RMI1: variants seen among roughly 807,000 people sequenced by gnomAD.
RMI1 encodes the protein recQ-mediated genome instability protein 1.
A neutral mutation model predicts 46.7 loss-of-function variants in RMI1; 36 were observed. The ratio of observed to expected loss-of-function variants is 0.77; its 90% CI spans 0.59 to 1.02. RMI1 has a LOEUF of 1.02. RMI1 is among the 50% of genes least tolerant of loss of function. RMI1 has a pLI of 0.00. For synonymous variants in RMI1, 250 were observed against 252.9 expected (o/e 0.99, Z 0.11); for missense variants, 676 against 713.7 (o/e 0.95, Z 0.60).
intron 1 of RMI1, among the ~76,000 whole-genome samples, chr9:83,995,640 C>T (rs932327424): frequency 6.6e-6 from 1 of 151,838 alleles, no homozygotes; most frequent in Non-Finnish European, 1.5e-5. Flanking sequence ...ATTGGTCAGG[C>T]TGTTCTTGAA....
intron 1 of RMI1, among the ~76,000 whole-genome samples, chr9:83,983,188 G>T (rs957122423): frequency 5.3e-5 from 8 of 152,206 alleles, no homozygotes; most frequent in African/African-American, 9.7e-5. Flanking sequence ...ATACTTTTTA[G>T]AGTTCTTTGA....
Position 83,980,807 on chromosome 9 carries a change from C to G in RMI1, c.-210C>G, listed in dbSNP as rs1957361489. 1.3e-5 allele frequency: 2 copies of G among 152,348 alleles called. No individual in the cohort carries two copies. Among genetic ancestry groups the G allele is most frequent in the Non-Finnish European group, 2.9e-5 (2 of 68,114 alleles). The allele number at this position is 152,348 out of a possible 1,614,324, so 9.4% of individuals were successfully genotyped here. ...CGGGCGGGAAGAGGTAAAAAAGGAA[C>G]TGGGAGCGCGCCGCGGCGGTTCCTG... On this transcript the variant is annotated 5_prime_UTR_variant, in exon 1 of 3. Transcript: ENST00000445877.
At chr9:83,996,296 T>C (rs1277178506) in intron 1 of RMI1, among the ~76,000 whole-genome samples, 2 of 152,234 alleles carry the variant, frequency 1.3e-5, no homozygotes, top group Non-Finnish European at 2.9e-5. Context: ...GTAACTCTGT[T>C]CCCGCCACAT....
chr9:84,002,257 A>G lies in RMI1; in HGVS notation c.1271A>G (p.Asp424Gly), dbSNP rs35874719. Residue 424 changes from aspartate to glycine, a missense_variant, in exon 3 of 3, where the codon GAT becomes GGT. By Grantham distance (94) the Asp-to-Gly change is moderately conservative. Coordinates refer to ENST00000445877, the MANE Select transcript of RMI1 (RefSeq NM_001358291.2). ...AATAAAGAAAAGAACTTAGAGACAG[A>G]TAATAAAATAAAACAAACCAGCAGT... ...FTNKEKNLETDNKIKQTSSSD... is the reference protein window; with the variant it reads ...FTNKEKNLETGNKIKQTSSSD... 1.3e-3 allele frequency: 2,125 copies of G among 1,606,552 alleles called. 29 individuals carry two copies. The African/African-American group carries it at 0.026, about 19-fold the overall frequency.
chr9:84,002,510 G>C lies in RMI1; in HGVS notation c.1524G>C (p.Val508=). ...MASKPKEVTT[V]KVKAFIVTLT... The stretch of plus-strand genomic sequence containing the variant: ...GCAAACCAAAGGAAGTTACAACAGT[G>C]AAAGTGAAAGCATTTATTGTAACCT... Residue 508 remains valine (V), a synonymous_variant, in exon 3 of 3, where the codon GTG becomes GTC. Transcript: ENST00000445877. The C allele has an allele frequency of 6.2e-7, 1 of 1,613,976 alleles. No individual in the cohort carries two copies. The highest frequency in any genetic ancestry group is 8.5e-7 in the Non-Finnish European group (1 of 1,179,944).
chr9:83,997,298 A>G (rs1194776079), intron 1 of RMI1, among the ~76,000 whole-genome samples: 4 of 151,574 alleles, frequency 2.6e-5, no homozygotes, highest in Non-Finnish European at 5.9e-5. Flanking sequence ...TTTAGTAGAG[A>G]TGGGGTTTCT....
intron 1 of RMI1, among the ~76,000 whole-genome samples, chr9:83,995,201 T>C (rs1486224731): frequency 1.3e-5 from 2 of 151,932 alleles, no homozygotes; most frequent in African/African-American, 4.8e-5. Context: ...GGTTTCACCA[T>C]TGTTGGCCAG....
At chr9:83,989,793 CA>C (rs375788717) in intron 1 of RMI1, among the ~76,000 whole-genome samples, 53 of 152,006 alleles carry the variant, frequency 3.5e-4, no homozygotes, top group Middle Eastern at 3.4e-3. Context: ...GGAGGTTCCT[CA>C]AAAAAATCAA....
chr9:84,001,746 A>G lies in RMI1; in HGVS notation c.760A>G (p.Asn254Asp). The change falls in exon 3 of 3, where the codon AAT becomes GAT. Residue 254 changes from asparagine to aspartate, a missense_variant. Coordinates refer to ENST00000445877, the MANE Select transcript of RMI1 (RefSeq NM_001358291.2). Reference protein sequence around the residue: ...DEELLASLDENDELTANNDTS... With the variant: ...DEELLASLDEDDELTANNDTS... ...AGAACTCTTGGCAAGTCTTGATGAAAATGATGAGCTTACAGCAAATAATGA... is the reference window on the plus strand; with the variant it reads ...AGAACTCTTGGCAAGTCTTGATGAAGATGATGAGCTTACAGCAAATAATGA... The G allele has an allele frequency of 1.2e-6, 2 of 1,614,016 alleles. No homozygotes were observed. The highest frequency in any genetic ancestry group is 1.7e-6 in the Non-Finnish European group (2 of 1,179,960).
Position 84,002,689 on chromosome 9 carries a change from C to G in RMI1, c.1703C>G (p.Pro568Arg). 1 of 1,613,856 alleles carries G rather than the reference C, an allele frequency of 6.2e-7. No individual in the cohort carries two copies. The highest frequency in any genetic ancestry group is 8.5e-7 in the Non-Finnish European group (1 of 1,179,920). Reference protein sequence around the residue: ...VPEMKQSKKDPLQYQKFLEGL... With the variant: ...VPEMKQSKKDRLQYQKFLEGL... ...GAAATGAAACAGTCAAAAAAGGATC[C>G]TCTTCAATACCAAAAGTTCCTGGAA... Residue 568 changes from proline (P) to arginine (R), a missense_variant, in exon 3 of 3, where the codon CCT (proline) becomes CGT (arginine). By Grantham distance (103) the Pro-to-Arg change is moderately radical (BLOSUM62 -2). Transcript: ENST00000445877.
At chr9:83,988,793 C>T (rs1957528307) in intron 1 of RMI1, among the ~76,000 whole-genome samples, 1 of 152,056 alleles carries the variant, frequency 6.6e-6, no homozygotes, top group African/African-American at 2.4e-5. Context: ...AACTGTTTTC[C>T]TGTGTTTATT....
rs1957745916 is a variant in RMI1 at position 84,002,058 on chromosome 9, A to G, written c.1072A>G (p.Thr358Ala). The change falls in exon 3 of 3, where the codon ACT (threonine) becomes GCT (alanine). Residue 358 changes from threonine (T) to alanine (A), a missense_variant. Physicochemically the swap from Thr to Ala is moderately conservative, Grantham distance 58. Coordinates refer to ENST00000445877, the MANE Select transcript of RMI1 (RefSeq NM_001358291.2). ...SIERFSHNPN[T>A]TNNFSLTCKN... The stretch of plus-strand genomic sequence containing the variant: ...AGAGAGATTTTCACATAATCCTAAT[A>G]CTACGAATAACTTTTCTTTGACTTG... 16 of 1,613,872 alleles carry G rather than the reference A, an allele frequency of 9.9e-6. No individual in the cohort carries two copies. Among genetic ancestry groups the G allele is most frequent in the Non-Finnish European group, 1.3e-5 (15 of 1,179,880 alleles).
At position 84,001,283 on chromosome 9, in the gene RMI1, A is replaced by G. The variant is rs747164637; in HGVS notation, c.297A>G (p.Ala99=). 82 of 1,614,172 alleles carry G rather than the reference A, an allele frequency of 5.1e-5. No homozygotes were observed. The highest frequency in any genetic ancestry group is 6.4e-5 in the Non-Finnish European group (75 of 1,179,996). The change falls in exon 3 of 3, where the codon GCA becomes GCG. Residue 99 remains alanine (A), a synonymous_variant. Coordinates refer to ENST00000445877, the MANE Select transcript of RMI1 (RefSeq NM_001358291.2). ...INSLVDVSQP[A]YSQIQKLRGK... is the part of the protein sequence containing the mutation. The stretch of plus-strand genomic sequence containing the variant: ...CCTTGGTTGATGTAAGTCAGCCTGC[A>G]TACTCCCAGATACAGAAGTTGAGAG...
At chr9:83,992,546 A>G (rs1957589930) in intron 1 of RMI1, among the ~76,000 whole-genome samples, 1 of 152,102 alleles carries the variant, frequency 6.6e-6, no homozygotes, top group Non-Finnish European at 1.5e-5. Flanking sequence ...ACCTGAACCA[A>G]AAAGGCACAA....
At position 84,001,383 on chromosome 9, in the gene RMI1, C is replaced by G; in HGVS notation, c.397C>G (p.Arg133Gly). The G allele has an allele frequency of 6.2e-7, 1 of 1,614,084 alleles. No homozygotes were observed. Among genetic ancestry groups the G allele is most frequent in the Non-Finnish European group, 8.5e-7 (1 of 1,179,994 alleles). The change falls in exon 3 of 3, where the codon CGA becomes GGA. Residue 133 changes from arginine to glycine, a missense_variant. Physicochemically the swap from Arg to Gly is moderately radical, Grantham distance 125. Transcript: ENST00000445877. ...TPKPWEAKPS[R>G]MLMLQLTDGI... ...AAAACCTTGGGAAGCAAAGCCTTCA[C>G]GAATGTTGATGCTGCAGCTAACTGA...
intron 1 of RMI1, among the ~76,000 whole-genome samples, chr9:83,987,774 A>T (rs550990257): frequency 1.3e-5 from 2 of 152,326 alleles, no homozygotes; most frequent in Admixed American, 1.3e-4. Flanking sequence ...ACTGAATTTG[A>T]CATTCATGCA....
chr9:83,988,261 T>C (rs1234831903), intron 1 of RMI1, among the ~76,000 whole-genome samples: 1 of 152,194 alleles, frequency 6.6e-6, no homozygotes, highest in Admixed American at 6.5e-5. Context: ...CTGGGTTGTA[T>C]GGTAAGTATA....
Position 83,992,890 on chromosome 9 carries a change from CTTT to C in RMI1, c.-125-6816_-125-6814del, listed in dbSNP as rs372400189. Reference sequence around the variant, plus strand: ...TTTTTTCTCTCTTCCATCTTTTTCTCTTTTTAAAATTGTAGTGAAAAGCACATC... The same window carrying C: ...TTTTTTCTCTCTTCCATCTTTTTCTCTTAAAATTGTAGTGAAAAGCACATC... On this transcript the variant is annotated intron_variant, in intron 1 of 2. Coordinates refer to ENST00000445877, the MANE Select transcript of RMI1 (RefSeq NM_001358291.2). 82 of 152,032 alleles carry C rather than the reference CTTT, an allele frequency of 5.4e-4. No individual in the cohort carries two copies. In the East Asian group the frequency reaches 0.015, roughly 28 times the overall value. The allele number at this position is 152,032 out of a possible 1,614,324, so 9.4% of individuals were successfully genotyped here.
intron 1 of RMI1, among the ~76,000 whole-genome samples, chr9:83,987,275 A>G (rs1005219327): frequency 1.8e-4 from 27 of 151,850 alleles, no homozygotes; most frequent in African/African-American, 6.5e-4. Flanking sequence ...GTTGACTCAC[A>G]CTCCTGACCT....
Sources: gnomAD v4.1 joint callset for allele counts (sites outside exome capture counted in the v4.1 genomes callset) on GRCh38, gnomAD v4.1.1 for gene constraint, MANE v1.5 for transcripts, NCBI Gene and HGNC (gene_info 2026-07-23, HGNC 2026-07-21) for gene names.